AOPEP: variants seen among roughly 807,000 people sequenced by gnomAD.
The protein encoded by AOPEP is aminopeptidase O.
In AOPEP, 77 loss-of-function variants were observed where a neutral mutation model predicts 98.1. That is an observed-to-expected ratio of 0.78 (90% confidence interval 0.65 to 0.95). AOPEP has a LOEUF of 0.95. Ranked by LOEUF, AOPEP falls within the 40% of genes least tolerant of loss-of-function variation. The pLI is 0.00. For synonymous variants in AOPEP, 346 were observed against 365.3 expected (o/e 0.95, Z 0.60); for missense variants, 1,024 against 1,024.7 (o/e 1.00, Z 0.01).
intron 5 of AOPEP, among the ~76,000 whole-genome samples, chr9:94,879,070 GGT>G (rs1789652323): frequency 6.6e-6 from 1 of 152,184 alleles, no homozygotes; most frequent in Non-Finnish European, 1.5e-5. Flanking sequence ...TATCAATCTG[GGT>G]GGTGACAGCT....
intron 3 of AOPEP, among the ~76,000 whole-genome samples, chr9:94,784,563 CTG>C (rs1333739633): frequency 2.0e-5 from 3 of 152,258 alleles, no homozygotes; most frequent in East Asian, 3.9e-4. Flanking sequence ...ATTAAGATAA[CTG>C]TTTTAACACT....
At chr9:95,070,884 A>G (rs556730375) in intron 14 of AOPEP, among the ~76,000 whole-genome samples, 5 of 152,224 alleles carry the variant, frequency 3.3e-5, no homozygotes, top group Non-Finnish European at 7.4e-5. Flanking sequence ...AGCTGTGGCC[A>G]CAGCAATGCC....
intron 4 of AOPEP, among the ~76,000 whole-genome samples, chr9:94,798,633 A>G (rs778959629): frequency 6.6e-6 from 1 of 152,182 alleles, no homozygotes; most frequent in Non-Finnish European, 1.5e-5. Context: ...CTTATGCCTC[A>G]GCTTTGTCCA....
At chr9:94,800,680 C>T in intron 4 of AOPEP, 77 bp from the exon 5 acceptor site, 3 of 1,517,890 alleles carry the variant, frequency 2.0e-6, no homozygotes, top group Middle Eastern at 3.5e-4. Flanking sequence ...TAAAAGTTGT[C>T]TACATCTGCA....
At chr9:95,123,564 G>A in the AOPEP span, 36 of 554,490 alleles carry the variant, frequency 6.5e-5, no homozygotes, top group Admixed American at 4.4e-4. Flanking sequence ...AAAAAGGGCC[G>A]CGGCCACGTG....
chr9:94,929,715 C>G (rs1489534829), intron 7 of AOPEP, among the ~76,000 whole-genome samples: 1 of 152,216 alleles, frequency 6.6e-6, no homozygotes, highest in Non-Finnish European at 1.5e-5. Context: ...TGAACATGGC[C>G]CCTGCTCTCA....
At chr9:94,923,325 C>A (rs1012568713) in intron 5 of AOPEP, among the ~76,000 whole-genome samples, 7 of 152,146 alleles carry the variant, frequency 4.6e-5, no homozygotes, top group Admixed American at 1.3e-4. Context: ...TGGGATAACT[C>A]CCTGCCTTCT....
chr9:94,732,131 C>T (rs1167418774), intron 1 of AOPEP, among the ~76,000 whole-genome samples: 1 of 151,992 alleles, frequency 6.6e-6, no homozygotes, highest in East Asian at 1.9e-4. Context: ...TTAACATATA[C>T]ATATGTACAA....
chr9:94,736,177 G>A (rs1587957563), intron 1 of AOPEP, among the ~76,000 whole-genome samples: 1 of 152,270 alleles, frequency 6.6e-6, no homozygotes, highest in East Asian at 1.9e-4. Flanking sequence ...GTGTCTTAGA[G>A]GGGATTCCTA....
At chr9:94,934,226 G>A (rs2055867431) in intron 7 of AOPEP, among the ~76,000 whole-genome samples, 1 of 151,670 alleles carries the variant, frequency 6.6e-6, no homozygotes, top group Non-Finnish European at 1.5e-5. Context: ...ACCTGGCTCT[G>A]TCGTCACCCA....
At chr9:94,959,579 G>T (rs922568096) in intron 9 of AOPEP, among the ~76,000 whole-genome samples, 2 of 151,858 alleles carry the variant, frequency 1.3e-5, no homozygotes, top group African/African-American at 4.8e-5. Context: ...CTGTAGCTTT[G>T]TATTAACTTT....
chr9:95,112,792 C>T, the AOPEP span, among the ~76,000 whole-genome samples: 1 of 152,220 alleles, frequency 6.6e-6, no homozygotes, highest in Admixed American at 6.5e-5. Context: ...CATGTGGCCA[C>T]CTGAAAGGTA....
At chr9:95,091,796 C>G (rs1046034008), downstream of AOPEP, among the ~76,000 whole-genome samples, 2 of 152,094 alleles carry the variant, frequency 1.3e-5, no homozygotes, top group Admixed American at 6.5e-5. Flanking sequence ...GGCCGGCAGC[C>G]GAGCCTGGGG....
chr9:94,924,573 G>T (rs1244298373), intron 6 of AOPEP, among the ~76,000 whole-genome samples: 1 of 152,222 alleles, frequency 6.6e-6, no homozygotes, highest in Non-Finnish European at 1.5e-5. Context: ...TGACTTGTGT[G>T]TGTGCAGTGT....
At chr9:94,910,551 G>A (rs2136435322) in intron 5 of AOPEP, among the ~76,000 whole-genome samples, 1 of 152,362 alleles carries the variant, frequency 6.6e-6, no homozygotes, top group East Asian at 1.9e-4. Context: ...ACTTGAGGAT[G>A]TGCTTTTAAC....
intron 11 of AOPEP, among the ~76,000 whole-genome samples, chr9:94,985,176 G>A (rs919380264): frequency 1.2e-4 from 19 of 152,242 alleles, no homozygotes; most frequent in African/African-American, 4.3e-4. Flanking sequence ...GAAATGAGCC[G>A]ACAATAATGT....
At chr9:95,068,593 A>G (rs1283409440) in intron 14 of AOPEP, among the ~76,000 whole-genome samples, 1 of 152,220 alleles carries the variant, frequency 6.6e-6, no homozygotes, top group Non-Finnish European at 1.5e-5. Flanking sequence ...TTGCAAAAAT[A>G]TACTCTTATA....
chr9:95,004,412 C>T, intron 11 of AOPEP: 2 of 393,092 alleles, frequency 5.1e-6, no homozygotes, highest in South Asian at 3.8e-5. Flanking sequence ...GAGCGCGGGG[C>T]TGGGTTTCTC....
chr9:95,025,632 A>G (rs561838773), intron 13 of AOPEP, among the ~76,000 whole-genome samples: 9 of 152,342 alleles, frequency 5.9e-5, no homozygotes, highest in African/African-American at 1.4e-4. Flanking sequence ...TTCGTTTTGT[A>G]TAATTATTAA....
Sources: allele counts gnomAD v4.1 joint callset (sites outside exome capture counted in the v4.1 genomes callset), GRCh38; gene constraint gnomAD v4.1.1; transcripts MANE v1.5; gene names NCBI Gene and HGNC (gene_info 2026-07-23, HGNC 2026-07-21).